Variants in MAP3K5 observed in about 807,000 individuals in gnomAD.
MAP3K5 encodes the protein mitogen-activated protein kinase kinase kinase 5.
In MAP3K5, 56 loss-of-function variants were observed where a neutral mutation model predicts 158.7. The observed-to-expected ratio is 0.35, with a 90% CI of 0.28 to 0.44. The LOEUF (loss-of-function observed/expected upper bound fraction) is 0.44, where lower values mean the gene tolerates loss of function less well. MAP3K5 is among the 20% of genes least tolerant of loss of function. MAP3K5 has a pLI of 1.00. For missense variants in MAP3K5, 1,294 were observed against 1,674.8 expected, an observed-to-expected ratio of 0.77 and a Z score of 3.97; for synonymous variants, 579 against 601.7, an observed-to-expected ratio of 0.96 and a Z score of 0.55.
intron 27 of MAP3K5, among the ~76,000 whole-genome samples, chr6:136,562,283 G>A (rs1214238629): frequency 2.0e-5 from 3 of 151,884 alleles, no homozygotes; most frequent in Non-Finnish European, 4.4e-5. Flanking sequence ...ATAATCTCAG[G>A]AAAAGATGAT....
chr6:136,592,366 T>C (rs1176818971), intron 22 of MAP3K5, 25 bp from the exon 23 acceptor site: 1 of 1,595,394 alleles, frequency 6.3e-7, no homozygotes, highest in African/African-American at 1.3e-5. Flanking sequence ...GCAGCATAAA[T>C]CACAGTTCCC....
chr6:136,673,710 G>GAA (rs74273362), intron 7 of MAP3K5, among the ~76,000 whole-genome samples: 19 of 107,754 alleles, frequency 1.8e-4, no homozygotes, highest in East Asian at 7.5e-4. Flanking sequence ...CAGAGATATA[G>GAA]AAAAAAAAAA....
chr6:136,703,236 A>G (rs1780929824), intron 3 of MAP3K5, among the ~76,000 whole-genome samples: 1 of 152,184 alleles, frequency 6.6e-6, no homozygotes, highest in Non-Finnish European at 1.5e-5. Context: ...TCAGCGGGCA[A>G]CTTCTTCAAA....
At chr6:136,724,393 G>T (rs1305023746) in intron 1 of MAP3K5, among the ~76,000 whole-genome samples, 1 of 151,706 alleles carries the variant, frequency 6.6e-6, no homozygotes, top group African/African-American at 2.4e-5. Flanking sequence ...GGATTACAGG[G>T]TGCACCACCA....
chr6:136,607,319 A>T (rs1403752114), intron 18 of MAP3K5, among the ~76,000 whole-genome samples: 1 of 152,176 alleles, frequency 6.6e-6, no homozygotes, highest in Non-Finnish European at 1.5e-5. Context: ...ATCGTAAATT[A>T]GACAATTCAA....
At chr6:136,757,048 T>C (rs1180601029) in intron 1 of MAP3K5, among the ~76,000 whole-genome samples, 1 of 152,168 alleles carries the variant, frequency 6.6e-6, no homozygotes, top group African/African-American at 2.4e-5. Context: ...CAGGTTTCAG[T>C]GCTGCAGTAG....
intron 21 of MAP3K5, among the ~76,000 whole-genome samples, chr6:136,597,245 A>AG (rs1275332392): frequency 2.0e-5 from 3 of 152,190 alleles, no homozygotes; most frequent in African/African-American, 7.2e-5. Flanking sequence ...TGGAGTCAGG[A>AG]GGGGTGACTG....
At chr6:136,602,306 CT>C (rs1366785895) in intron 19 of MAP3K5, among the ~76,000 whole-genome samples, 3 of 151,940 alleles carry the variant, frequency 2.0e-5, no homozygotes. Flanking sequence ...TTCTTTCTTT[CT>C]TTCTTTTTTT....
At position 136,605,344 on chromosome 6, in the gene MAP3K5, T is replaced by C. The variant is rs1467029477; in HGVS notation, c.2544A>G (p.Pro848=). 1 of 1,613,984 alleles carries C rather than the reference T, an allele frequency of 6.2e-7. No individual in the cohort carries two copies. The highest frequency in any genetic ancestry group is 1.3e-5 in the African/African-American group (1 of 75,054). Residue 848 remains proline (P), a synonymous_variant, in exon 19 of 30, where the codon CCA becomes CCG. Transcript: ENST00000359015. ...TFTGTLQYMA[P]EIIDKGPRGY... Reference sequence around the variant, plus strand: ...CTCTTGGTCCTTTATCTATTATTTCTGGTGCCATATACTGGAGGGTACCTG... The same window carrying C: ...CTCTTGGTCCTTTATCTATTATTTCCGGTGCCATATACTGGAGGGTACCTG...
At chr6:136,712,926 A>C (rs541929953) in intron 2 of MAP3K5, among the ~76,000 whole-genome samples, 32 of 152,320 alleles carry the variant, frequency 2.1e-4, no homozygotes, top group African/African-American at 7.5e-4. Context: ...AGGCCTCCCC[A>C]GCCACATAGA....
At chr6:136,720,993 G>C (rs905001144) in intron 1 of MAP3K5, among the ~76,000 whole-genome samples, 2 of 152,142 alleles carry the variant, frequency 1.3e-5, no homozygotes, top group Admixed American at 1.3e-4. Context: ...TTCCCAGGTT[G>C]AACTCAAACT....
chr6:136,668,140 T>C (rs775143328), intron 8 of MAP3K5, among the ~76,000 whole-genome samples: 27 of 151,658 alleles, frequency 1.8e-4, no homozygotes, highest in Non-Finnish European at 3.1e-4. Context: ...ACCAGTACTT[T>C]GGGAGGCTGT....
intron 2 of MAP3K5, among the ~76,000 whole-genome samples, chr6:136,719,098 C>T (rs1034187275): frequency 6.6e-5 from 10 of 152,104 alleles, no homozygotes; most frequent in Admixed American, 5.2e-4. Flanking sequence ...ATCACTTGAA[C>T]GCAGGAGGTC....
chr6:136,753,000 C>T (rs1157483322), intron 1 of MAP3K5, among the ~76,000 whole-genome samples: 1 of 152,214 alleles, frequency 6.6e-6, no homozygotes, highest in Admixed American at 6.5e-5. Flanking sequence ...TTCTTGCCCA[C>T]ATGCCCCACC....
At chr6:136,579,128 T>C (rs1343047262) in intron 25 of MAP3K5, among the ~76,000 whole-genome samples, 2 of 152,200 alleles carry the variant, frequency 1.3e-5, no homozygotes, top group Non-Finnish European at 2.9e-5. Context: ...ATGTTTCTAA[T>C]TTGTTTATAT....
intron 2 of MAP3K5, among the ~76,000 whole-genome samples, chr6:136,717,121 C>A (rs1353356621): frequency 6.6e-6 from 1 of 150,664 alleles, no homozygotes; most frequent in African/African-American, 2.4e-5. Context: ...AAGAAAAAAT[C>A]AACTTCCTTC....
At chr6:136,734,067 T>C (rs912742530) in intron 1 of MAP3K5, among the ~76,000 whole-genome samples, 1 of 152,026 alleles carries the variant, frequency 6.6e-6, no homozygotes, top group African/African-American at 2.4e-5. Context: ...AAGAAATGTA[T>C]AAGTCAAAAT....
At chr6:136,724,035 G>A (rs1781852749) in intron 1 of MAP3K5, among the ~76,000 whole-genome samples, 1 of 152,008 alleles carries the variant, frequency 6.6e-6, no homozygotes, top group African/African-American at 2.4e-5. Context: ...CAATCACATT[G>A]CTTTAAAATC....
At position 136,738,833 on chromosome 6, in the gene MAP3K5, G is replaced by A. The variant is rs147263650; in HGVS notation, c.449-18244C>T. 2.2e-4 allele frequency among the ~76,000 whole-genome samples: 33 copies of A among 152,124 alleles called. 2 individuals carry two copies. Among genetic ancestry groups the A allele is most frequent in the African/African-American group, 8.0e-4 (33 of 41,504 alleles). ...CCACGTCAGCTCCAAAGCAGGGACC[G>A]GTTCAGTCATCAGTGCAGCCAATGT... On this transcript the variant is annotated intron_variant, in intron 1 of 29. Transcript: ENST00000359015.
Sources: allele counts gnomAD v4.1 joint callset (sites outside exome capture counted in the v4.1 genomes callset), GRCh38; gene constraint gnomAD v4.1.1; transcripts MANE v1.5; gene names NCBI Gene and HGNC (gene_info 2026-07-23, HGNC 2026-07-21).